GRIK2: variants seen among roughly 807,000 people sequenced by gnomAD.
The protein encoded by GRIK2 is glutamate ionotropic receptor kainate type subunit 2, also known as glutamate receptor ionotropic, kainate 2.
Under a neutral mutation model 100.3 loss-of-function variants are expected in GRIK2, and 32 were observed. The ratio of observed to expected loss-of-function variants is 0.32; its 90% CI spans 0.24 to 0.43. GRIK2 has a LOEUF of 0.43. Ranked by LOEUF, GRIK2 falls within the 20% of genes least tolerant of loss-of-function variation. GRIK2 has a pLI of 1.00. For missense variants in GRIK2, 843 were observed against 1,114.9 expected, an observed-to-expected ratio of 0.76 and a Z score of 3.47; for synonymous variants, 417 against 389.4, an observed-to-expected ratio of 1.07 and a Z score of -0.83.
chr6:101,918,881 C>A (rs1260535964), intron 12 of GRIK2, among the ~76,000 whole-genome samples: 2 of 151,658 alleles, frequency 1.3e-5, no homozygotes, highest in Non-Finnish European at 3.0e-5. Context: ...ATTAGTACAG[C>A]AAAAGACAGT....
chr6:102,006,390 A>ATATATATATTTTT (rs1315524835), intron 14 of GRIK2, among the ~76,000 whole-genome samples: 54 of 114,090 alleles, frequency 4.7e-4, no homozygotes, highest in African/African-American at 2.1e-3. Context: ...ATATATATAT[A>ATATATATATTTTT]TTTTTTTTTT....
At chr6:101,474,320 G>T (rs1375197248) in intron 2 of GRIK2, among the ~76,000 whole-genome samples, 1 of 151,852 alleles carries the variant, frequency 6.6e-6, no homozygotes, top group African/African-American at 2.4e-5. Context: ...ATTTGGAACT[G>T]AAGATTAAAA....
intron 2 of GRIK2, among the ~76,000 whole-genome samples, chr6:101,462,138 G>A (rs895844414): frequency 1.3e-5 from 2 of 152,092 alleles, no homozygotes; most frequent in African/African-American, 4.8e-5. Context: ...ATGTTAATGT[G>A]TTGTTTGGTT....
At chr6:102,022,827 A>G (rs1769501105) in intron 14 of GRIK2, among the ~76,000 whole-genome samples, 2 of 151,634 alleles carry the variant, frequency 1.3e-5, no homozygotes, top group South Asian at 2.1e-4. Flanking sequence ...GAGCTTTGGC[A>G]TCAGTTATTA....
At position 101,576,278 on chromosome 6, in the gene GRIK2, T is replaced by C. The variant is rs148693245; in HGVS notation, c.116-45671T>C. ...GGAAGTCACTATTTCCAAGGGACAT[T>C]TCAAACCAGGACTCTTGCTCTAAAT... On this transcript the variant is annotated intron_variant, in intron 2 of 16. Coordinates refer to ENST00000369134, the MANE Select transcript of GRIK2 (RefSeq NM_021956.5). Among the ~76,000 whole-genome samples the C allele has an allele frequency of 2.6e-5, 4 of 152,052 alleles. No individual in the cohort carries two copies. The East Asian group carries it at 7.7e-4, about 29-fold the overall frequency.
chr6:101,868,009 A>C (rs1014634988), intron 11 of GRIK2, among the ~76,000 whole-genome samples: 1 of 151,652 alleles, frequency 6.6e-6, no homozygotes. Context: ...TCTGTAAAAA[A>C]TGTTTTGGTC....
chr6:101,896,528 C>A (rs141273094), intron 12 of GRIK2, among the ~76,000 whole-genome samples: 1 of 151,816 alleles, frequency 6.6e-6, no homozygotes, highest in African/African-American at 2.4e-5. Context: ...CATCAATCTA[C>A]AAATTATTTT....
intron 10 of GRIK2, among the ~76,000 whole-genome samples, chr6:101,844,798 A>G (rs1214911322): frequency 6.6e-6 from 1 of 152,148 alleles, no homozygotes; most frequent in East Asian, 1.9e-4. Flanking sequence ...AGGGCTAGAT[A>G]CATGTTTTTT....
At chr6:101,684,391 C>T (rs2128343090) in intron 6 of GRIK2, among the ~76,000 whole-genome samples, 1 of 152,242 alleles carries the variant, frequency 6.6e-6, no homozygotes, top group Middle Eastern at 3.4e-3. Flanking sequence ...TTTCCCATTT[C>T]CTTTTGCTAC....
At chr6:101,518,518 A>G (rs1000194983) in intron 2 of GRIK2, among the ~76,000 whole-genome samples, 10 of 150,156 alleles carry the variant, frequency 6.7e-5, no homozygotes, top group African/African-American at 2.2e-4. Context: ...TCAATTTTCT[A>G]TGTGAAACAG....
At chr6:101,784,351 G>A (rs146968495) in intron 7 of GRIK2, among the ~76,000 whole-genome samples, 38 of 152,330 alleles carry the variant, frequency 2.5e-4, no homozygotes, top group Non-Finnish European at 4.9e-4. Context: ...CCCAATGCCT[G>A]TACCTGCATT....
intron 14 of GRIK2, among the ~76,000 whole-genome samples, chr6:102,019,840 T>G (rs1393231180): frequency 6.6e-6 from 1 of 151,996 alleles, no homozygotes; most frequent in Admixed American, 6.6e-5. Context: ...TGCTTCTAGA[T>G]CTCCTACTAT....
chr6:101,862,264 C>A (rs1784774074), intron 11 of GRIK2, among the ~76,000 whole-genome samples: 1 of 151,956 alleles, frequency 6.6e-6, no homozygotes, highest in African/African-American at 2.4e-5. Flanking sequence ...ATCATCGATT[C>A]CCAAGAATTT....
At chr6:101,831,629 T>G (rs191991588) in intron 10 of GRIK2, among the ~76,000 whole-genome samples, 11 of 152,274 alleles carry the variant, frequency 7.2e-5, no homozygotes, top group Non-Finnish European at 1.3e-4. Flanking sequence ...ATAATATCAA[T>G]CAACTGTTAT....
chr6:102,021,697 CTTTTA>C (rs1769431126), intron 14 of GRIK2, among the ~76,000 whole-genome samples: 1 of 151,238 alleles, frequency 6.6e-6, no homozygotes, highest in Non-Finnish European at 1.5e-5. Flanking sequence ...GGTGATGTTT[CTTTTA>C]TTTAACTAAA....
chr6:101,944,620 AGTTT>A (rs1204820263), intron 14 of GRIK2, among the ~76,000 whole-genome samples: 1 of 152,220 alleles, frequency 6.6e-6, no homozygotes, highest in East Asian at 1.9e-4. Context: ...TAAAAATAAT[AGTTT>A]GTTTTATGTT....
intron 14 of GRIK2, among the ~76,000 whole-genome samples, chr6:101,946,588 C>T (rs980758912): frequency 9.2e-5 from 14 of 151,772 alleles, no homozygotes; most frequent in African/African-American, 2.7e-4. Flanking sequence ...TTTGTAAATA[C>T]GTAACAAACT....
chr6:101,931,842 A>G (rs577928790), intron 14 of GRIK2, among the ~76,000 whole-genome samples: 1 of 152,208 alleles, frequency 6.6e-6, no homozygotes, highest in African/African-American at 2.4e-5. Flanking sequence ...AGTAAAATGG[A>G]TGACAGTCCA....
At chr6:101,941,804 A>G (rs1790970797) in intron 14 of GRIK2, among the ~76,000 whole-genome samples, 1 of 152,162 alleles carries the variant, frequency 6.6e-6, no homozygotes, top group South Asian at 2.1e-4. Flanking sequence ...CTTTCTAACA[A>G]TAGGAAAAAT....
Sources: allele counts gnomAD v4.1 joint callset (sites outside exome capture counted in the v4.1 genomes callset), GRCh38; gene constraint gnomAD v4.1.1; transcripts MANE v1.5; gene names NCBI Gene and HGNC (gene_info 2026-07-23, HGNC 2026-07-21).